METTL22: variants seen among roughly 807,000 people sequenced by gnomAD.
METTL22 encodes the protein methyltransferase 22, Kin17 lysine.
METTL22 carries 51 observed loss-of-function variants against 48.4 expected under a neutral mutation model. The observed-to-expected ratio is 1.05, with a 90% CI of 0.84 to 1.33. The LOEUF (loss-of-function observed/expected upper bound fraction) is 1.33. METTL22 is among the 40% of genes most tolerant of loss of function. The probability of loss-of-function intolerance (pLI) is 0.00; values close to 1 mark genes in which losing one functional copy is unlikely to be tolerated. For missense variants in METTL22, 678 were observed against 526.9 expected, an observed-to-expected ratio of 1.29 and a Z score of -2.81; for synonymous variants, 255 against 214.1, an observed-to-expected ratio of 1.19 and a Z score of -1.67.
At position 8,642,184 on chromosome 16, in the gene METTL22, C is replaced by A; in HGVS notation, c.884C>A (p.Thr295Asn). Residue 295 changes from threonine to asparagine, a missense_variant, in exon 8 of 11, where the codon ACC (threonine) becomes AAC (asparagine). Thr to Asn is a moderately conservative substitution (Grantham distance 65). Transcript: ENST00000381920. ...GAAATTTCTGACTTGTACGATCACACCACCATCCTGTTTGCAGCCGAAGGT... is the reference window on the plus strand; with the variant it reads ...GAAATTTCTGACTTGTACGATCACAACACCATCCTGTTTGCAGCCGAAGGT... ...QEEISDLYDH[T>N]TILFAAEVFY... The A allele has an allele frequency of 6.2e-7, 1 of 1,613,538 alleles. No homozygotes were observed. The highest frequency in any genetic ancestry group is 8.5e-7 in the Non-Finnish European group (1 of 1,179,496).
chr16:8,644,539 C>A lies in METTL22; in HGVS notation c.1011-18C>A. The A allele has an allele frequency of 6.5e-7, 1 of 1,528,010 alleles. No individual in the cohort carries two copies. The highest frequency in any genetic ancestry group is 1.2e-5 in the South Asian group (1 of 80,148). The allele number at this position is 1,528,010 out of a possible 1,614,324, so 94.7% of individuals were successfully genotyped here. ...CATTGATGATGGCAGTTTGTGCGTC[C>A]GACTGGCTGGTTTGCAGGCTCAACT... On this transcript the variant is annotated intron_variant, in intron 9 of 10. Coordinates refer to ENST00000381920, the MANE Select transcript of METTL22 (RefSeq NM_024109.4).
At chr16:8,643,003 G>A (rs557790436) in intron 9 of METTL22, 1 of 190,342 alleles carries the variant, frequency 5.3e-6, no homozygotes, top group Non-Finnish European at 1.1e-5. Context: ...TCACCCAACA[G>A]CCTCACCCAG....
At chr16:8,661,127 C>T in the METTL22 span, among the ~76,000 whole-genome samples, 5 of 151,982 alleles carry the variant, frequency 3.3e-5, no homozygotes, top group African/African-American at 1.2e-4. Flanking sequence ...GCAGGATTCT[C>T]ACCACAAGGT....
chr16:8,639,398 C>A, intron 6 of METTL22: 1 of 577,712 alleles, frequency 1.7e-6, no homozygotes, highest in Non-Finnish European at 3.1e-6. Context: ...TCTTTCTCTC[C>A]CGGACACTGG....
At chr16:8,643,135 G>A (rs1318709701) in intron 9 of METTL22, among the ~76,000 whole-genome samples, 1 of 152,158 alleles carries the variant, frequency 6.6e-6, no homozygotes, top group African/African-American at 2.4e-5. Context: ...AAGATCGTTC[G>A]GAATCCACAG....
At chr16:8,642,080 C>T in intron 7 of METTL22, 47 bp from the exon 8 acceptor site, 1 of 1,456,524 alleles carries the variant, frequency 6.9e-7, no homozygotes, top group Non-Finnish European at 9.7e-7. Flanking sequence ...AGTTGGTGGC[C>T]AGGAGAGAAG....
chr16:8,642,015 G>T, intron 7 of METTL22, 112 bp from the exon 8 acceptor site: 1 of 816,628 alleles, frequency 1.2e-6, no homozygotes, highest in Non-Finnish European at 2.1e-6. Flanking sequence ...ACTGCACCGA[G>T]CTACCCCCAG....
chr16:8,646,168 G>A lies in METTL22; in HGVS notation c.*25G>A, dbSNP rs371225343. The A allele has an allele frequency of 4.5e-5, 72 of 1,613,690 alleles. No individual in the cohort carries two copies. Among genetic ancestry groups the A allele is most frequent in the East Asian group, 6.7e-5 (3 of 44,900 alleles). On this transcript the variant is annotated 3_prime_UTR_variant, in exon 11 of 11. Coordinates refer to ENST00000381920, the MANE Select transcript of METTL22 (RefSeq NM_024109.4). ...ACCCATCGCCTCCACAAGGCGCGGC[G>A]TCTCGACTGTTCTTAGAGTGTATTT...
chr16:8,625,635 C>T lies in METTL22; in HGVS notation c.-31C>T, dbSNP rs1273178304. On this transcript the variant is annotated 5_prime_UTR_variant, in exon 2 of 11. Transcript: ENST00000381920. The stretch of plus-strand genomic sequence containing the variant: ...GACCCATTCTCACCTCTGAGGGACT[C>T]CTGTCCTAGGACTAAGGTGGAGCCT... The T allele has an allele frequency of 6.2e-7, 1 of 1,613,206 alleles. No individual in the cohort carries two copies. The highest frequency in any genetic ancestry group is 1.1e-5 in the South Asian group (1 of 91,012).
chr16:8,642,028 C>T (rs897497717), intron 7 of METTL22, 99 bp from the exon 8 acceptor site: 2 of 924,440 alleles, frequency 2.2e-6, no homozygotes, highest in African/African-American at 3.2e-5. Flanking sequence ...ACCCCCAGCC[C>T]TGTTTCTTCT....
rs536942172 is a variant in METTL22 at position 8,649,029 on chromosome 16, C to G, written c.*2886C>G. 2 of 152,316 alleles carry G rather than the reference C, an allele frequency of 1.3e-5. No homozygotes were observed. Among genetic ancestry groups the G allele is most frequent in the African/African-American group, 4.8e-5 (2 of 41,552 alleles). The allele number at this position is 152,316 out of a possible 1,614,324, so 9.4% of individuals were successfully genotyped here. On this transcript the variant is annotated 3_prime_UTR_variant, in exon 11 of 11. Transcript: ENST00000381920. ...TTAATAATGAGTCTTCAAATCAGAA[C>G]CCCACTAGACAGAGCCAACAACTGG...
chr16:8,641,986 G>A, intron 7 of METTL22, 141 bp from the exon 8 acceptor site: 1 of 678,646 alleles, frequency 1.5e-6, no homozygotes. Context: ...CAGGGAGTCT[G>A]GTCTGCCTGG....
rs964396202 is a variant in METTL22 at position 8,646,782 on chromosome 16, G to A, written c.*639G>A. On this transcript the variant is annotated 3_prime_UTR_variant, in exon 11 of 11. Coordinates refer to ENST00000381920, the MANE Select transcript of METTL22 (RefSeq NM_024109.4). ...GGTCATGTGCAGCTGACCAGGGTTT[G>A]TGCAGTGATCTTCCTCAGAGGTGTT... 4.7e-6 allele frequency: 2 copies of A among 424,056 alleles called. No individual in the cohort carries two copies. The highest frequency in any genetic ancestry group is 4.1e-5 in the African/African-American group (2 of 49,034). 26.3% of individuals were successfully genotyped at this position (424,056 alleles called of 1,614,324 possible).
At position 8,635,202 on chromosome 16, in the gene METTL22, T is replaced by C. The variant is rs1350142582; in HGVS notation, c.590T>C (p.Ile197Thr). Residue 197 changes from isoleucine to threonine, a missense_variant, in exon 5 of 11, where the codon ATC becomes ACC. Ile to Thr is a moderately conservative substitution (Grantham distance 89). Transcript: ENST00000381920. ...WRGALLLADYILFRQDLFRGC... is the reference protein window; with the variant it reads ...WRGALLLADYTLFRQDLFRGC... ...GGCGCCCTGCTCCTGGCAGACTACA[T>C]CCTGTTCCGACAGGACCTCTTCCGA... 6.2e-7 allele frequency: 1 copy of C among 1,611,400 alleles called. No individual in the cohort carries two copies. Among genetic ancestry groups the C allele is most frequent in the South Asian group, 1.1e-5 (1 of 90,822 alleles).
At chr16:8,641,037 G>C (rs1316242498) in intron 6 of METTL22, 94 bp from the exon 7 acceptor site, 25 of 1,187,564 alleles carry the variant, frequency 2.1e-5, no homozygotes, top group Non-Finnish European at 3.1e-5. Flanking sequence ...TGGGTGGGTG[G>C]ATAGATGGAT....
Position 8,624,827 on chromosome 16 carries a change from C to G in METTL22, c.-170-669C>G, listed in dbSNP as rs557299701. Among the ~76,000 whole-genome samples the G allele has an allele frequency of 1.8e-4, 27 of 152,194 alleles. No individual in the cohort carries two copies. In the East Asian group the frequency reaches 4.2e-3, roughly 24 times the overall value. On this transcript the variant is annotated intron_variant, in intron 1 of 10. Transcript: ENST00000381920. Reference sequence around the variant, plus strand: ...TGAGCCATGATTGTACCACTGCACTCCAGCCTGGGCAACAGAGCAAGCCCC... The same window carrying G: ...TGAGCCATGATTGTACCACTGCACTGCAGCCTGGGCAACAGAGCAAGCCCC...
Position 8,628,910 on chromosome 16 carries a change from A to T in METTL22, c.314A>T (p.Asp105Val). 1 of 1,613,972 alleles carries T rather than the reference A, an allele frequency of 6.2e-7. No individual in the cohort carries two copies. Among genetic ancestry groups the T allele is most frequent in the Non-Finnish European group, 8.5e-7 (1 of 1,179,988 alleles). ...GGTTTCTCCCTCCAGGCCGGGACTGACACCACTGGCCAGGAAGTGGCTGAA... is the reference window on the plus strand; with the variant it reads ...GGTTTCTCCCTCCAGGCCGGGACTGTCACCACTGGCCAGGAAGTGGCTGAA... ...NEGFSLQAGT[D>V]TTGQEVAEAQ... Residue 105 changes from aspartate (D) to valine (V), a missense_variant, in exon 3 of 11, where the codon GAC becomes GTC. Asp to Val is a radical substitution (Grantham distance 152, BLOSUM62 -3). Coordinates refer to ENST00000381920, the MANE Select transcript of METTL22 (RefSeq NM_024109.4).
At chr16:8,628,076 G>C (rs766488852) in intron 2 of METTL22, among the ~76,000 whole-genome samples, 31 of 152,302 alleles carry the variant, frequency 2.0e-4, no homozygotes, top group Non-Finnish European at 3.5e-4. Context: ...GGAAAAGTTT[G>C]CTCACCCCTG....
intron 3 of METTL22, among the ~76,000 whole-genome samples, chr16:8,633,323 G>A (rs984767932): frequency 7.2e-5 from 11 of 152,094 alleles, no homozygotes; most frequent in South Asian, 2.1e-4. Context: ...AGAAAAGGCC[G>A]GGCACGGTGG....
Sources: allele counts gnomAD v4.1 joint callset (sites outside exome capture counted in the v4.1 genomes callset), GRCh38; gene constraint gnomAD v4.1.1; transcripts MANE v1.5; gene names NCBI Gene and HGNC (gene_info 2026-07-23, HGNC 2026-07-21).